ACER3: variants seen among roughly 807,000 people sequenced by gnomAD.
ACER3 encodes the protein alkaline ceramidase 3.
ACER3 carries 16 observed loss-of-function variants against 48.9 expected under a neutral mutation model. That is an observed-to-expected ratio of 0.33 (90% confidence interval 0.22 to 0.50). The LOEUF is 0.50. Ranked by LOEUF, ACER3 falls within the 20% of genes least tolerant of loss-of-function variation. ACER3 has a pLI of 0.98. For missense variants in ACER3, 227 were observed against 326.0 expected (o/e 0.70, Z 2.34); for synonymous variants, 109 against 107.8 (o/e 1.01, Z -0.07).
chr11:76,887,256 A>G (rs1945696138), intron 1 of ACER3, among the ~76,000 whole-genome samples: 1 of 152,154 alleles, frequency 6.6e-6, no homozygotes. Flanking sequence ...CCCTGTCTCC[A>G]AATATATGTG....
chr11:76,971,629 A>G (rs1948310223), intron 3 of ACER3, among the ~76,000 whole-genome samples: 1 of 152,200 alleles, frequency 6.6e-6, no homozygotes, highest in Admixed American at 6.5e-5. Context: ...ACAAAATATG[A>G]AAAACTCAAA....
chr11:77,007,015 G>A (rs1949165032), intron 7 of ACER3, among the ~76,000 whole-genome samples: 1 of 151,880 alleles, frequency 6.6e-6, no homozygotes, highest in East Asian at 1.9e-4. Flanking sequence ...AGGAGATTGA[G>A]GCAGGAGGAT....
At chr11:76,895,193 T>G (rs143019896) in intron 1 of ACER3, among the ~76,000 whole-genome samples, 30 of 152,312 alleles carry the variant, frequency 2.0e-4, no homozygotes, top group Non-Finnish European at 3.1e-4. Context: ...AATGTCAACA[T>G]TATTATATAC....
chr11:77,015,982 C>G (rs1263044714), intron 8 of ACER3, among the ~76,000 whole-genome samples: 3 of 152,022 alleles, frequency 2.0e-5, no homozygotes, highest in Admixed American at 1.3e-4. Flanking sequence ...TGACGTGTGC[C>G]TGTAATCCCA....
intron 1 of ACER3, among the ~76,000 whole-genome samples, chr11:76,916,316 A>G (rs1472704439): frequency 1.3e-5 from 2 of 152,222 alleles, no homozygotes; most frequent in Admixed American, 1.3e-4. Flanking sequence ...TTTAATTTGC[A>G]TGAGGGCAGT....
At chr11:76,903,720 G>C (rs1402409264) in intron 1 of ACER3, among the ~76,000 whole-genome samples, 2 of 152,078 alleles carry the variant, frequency 1.3e-5, no homozygotes, top group Non-Finnish European at 2.9e-5. Flanking sequence ...GGCAGGCCCT[G>C]AAGGAAATGA....
At chr11:76,883,586 A>G (rs573830829) in intron 1 of ACER3, among the ~76,000 whole-genome samples, 17 of 152,084 alleles carry the variant, frequency 1.1e-4, no homozygotes, top group Middle Eastern at 3.4e-3. Context: ...CTGGGATTAC[A>G]GGTGTGTGCT....
intron 2 of ACER3, among the ~76,000 whole-genome samples, chr11:76,942,230 T>A (rs1947358835): frequency 6.6e-6 from 1 of 152,182 alleles, no homozygotes; most frequent in Non-Finnish European, 1.5e-5. Context: ...AAAGTGGGCA[T>A]CCTTGTCTTG....
chr11:76,934,202 G>A (rs1462864419), intron 2 of ACER3, among the ~76,000 whole-genome samples: 1 of 151,890 alleles, frequency 6.6e-6, no homozygotes, highest in African/African-American at 2.4e-5. Context: ...TCACTTTCCA[G>A]ACTGGGCAGC....
chr11:76,876,404 A>G (rs532157996), intron 1 of ACER3, among the ~76,000 whole-genome samples: 1 of 152,088 alleles, frequency 6.6e-6, no homozygotes, highest in East Asian at 1.9e-4. Flanking sequence ...CCATATTGCT[A>G]TGTGGTAGGA....
intron 1 of ACER3, among the ~76,000 whole-genome samples, chr11:76,875,107 C>CTTTTTTTTTTTTTTTTTTTTTTTTTTTTT (rs10676364): frequency 6.4e-5 from 5 of 78,162 alleles, no homozygotes; most frequent in Admixed American, 2.0e-4. Context: ...AAAAGCACTT[C>CTTTTTTTTTTTTTTTTTTTTTTTTTTTTT]TTTTTTTTTT....
chr11:76,976,206 T>C (rs1213689826), intron 3 of ACER3, 83 bp from the exon 4 acceptor site: 2 of 1,077,084 alleles, frequency 1.9e-6, no homozygotes, highest in African/African-American at 3.1e-5. Flanking sequence ...AAAATCTTAA[T>C]CATTTTGATG....
At chr11:77,005,151 C>T (rs1555020622) in intron 7 of ACER3, among the ~76,000 whole-genome samples, 1 of 151,906 alleles carries the variant, frequency 6.6e-6, no homozygotes, top group Non-Finnish European at 1.5e-5. Context: ...CATTCTCCTG[C>T]CTCAGCCTCC....
At chr11:76,865,803 C>T (rs1185299517) in intron 1 of ACER3, among the ~76,000 whole-genome samples, 1 of 150,870 alleles carries the variant, frequency 6.6e-6, no homozygotes, top group Admixed American at 6.6e-5. Context: ...GCCACCTTGC[C>T]CAGCATCTTT....
chr11:76,893,370 TA>T (rs573897739), intron 1 of ACER3, among the ~76,000 whole-genome samples: 112 of 152,108 alleles, frequency 7.4e-4, no homozygotes, highest in African/African-American at 2.6e-3. Flanking sequence ...ACCCCATCTC[TA>T]AAAAAATAAA....
intron 3 of ACER3, among the ~76,000 whole-genome samples, chr11:76,961,784 T>TACCAGAATCTCTGG (rs372493050): frequency 7.5e-5 from 11 of 147,224 alleles, no homozygotes; most frequent in African/African-American, 2.9e-4. Flanking sequence ...AGATAATAAA[T>TACCAGAATCTCTGG]GATGTATTAA....
At chr11:77,019,815 T>C (rs782037986) in intron 10 of ACER3, 39 bp downstream of exon 10, 3 of 1,598,788 alleles carry the variant, frequency 1.9e-6, no homozygotes, top group Non-Finnish European at 2.6e-6. Context: ...GTGTTGGGGG[T>C]ATGGTACTGG....
intron 3 of ACER3, among the ~76,000 whole-genome samples, chr11:76,971,557 C>A (rs76049594): frequency 0.03 from 4,605 of 151,604 alleles, 88 homozygotes; most frequent in South Asian, 0.064. Context: ...GAAAAAAAAA[C>A]CGATAATAGA....
intron 5 of ACER3, among the ~76,000 whole-genome samples, chr11:76,987,469 T>C (rs1948708925): frequency 6.6e-6 from 1 of 151,996 alleles, no homozygotes; most frequent in Admixed American, 6.6e-5. Flanking sequence ...TGCCATGGGG[T>C]AGGGGTAGAG....
Sources: gnomAD v4.1 joint callset for allele counts (sites outside exome capture counted in the v4.1 genomes callset) on GRCh38, gnomAD v4.1.1 for gene constraint, MANE v1.5 for transcripts, NCBI Gene and HGNC (gene_info 2026-07-23, HGNC 2026-07-21) for gene names.